Variants in DMD observed in about 807,000 individuals in gnomAD.
The protein encoded by DMD is dystrophin.
Under a neutral mutation model 330.1 loss-of-function variants are expected in DMD, and 63 were observed. That is an observed-to-expected ratio of 0.19 (90% CI 0.16 to 0.24). The LOEUF (loss-of-function observed/expected upper bound fraction) is 0.24, where lower values mean the gene tolerates loss of function less well. DMD is among the 10% of genes least tolerant of loss of function. The pLI is 1.00. For missense variants in DMD, 3,344 were observed against 2,684.1 expected (o/e 1.25, Z -5.43); for synonymous variants, 1,223 against 959.8 (o/e 1.27, Z -5.07).
intron 12 of DMD, among the ~76,000 whole-genome samples, chrX:32,598,715 G>T (rs940419095): frequency 8.9e-6 from 1 of 111,945 alleles, no homozygotes; most frequent in Non-Finnish European, 1.9e-5. Context: ...TTACTTAGTT[G>T]TTCTGATTTT....
Position 33,059,780 on chromosome X carries a change from G to T in DMD, c.32-39580C>A, listed in dbSNP as rs762359763. On this transcript the variant is annotated intron_variant, in intron 1 of 78. Coordinates refer to ENST00000357033, the MANE Select transcript of DMD (RefSeq NM_004006.3). ...ATAGAATAGAAAAAGTCTTACAAAG[G>T]TGTATTTTCACATAGTGGTTGGTGA... is the stretch of plus-strand genomic sequence containing the variant. Among the ~76,000 whole-genome samples, 3 of 112,006 alleles carry T rather than the reference G, an allele frequency of 2.7e-5. No individual in the cohort carries two copies. The East Asian group carries it at 8.5e-4, about 32-fold the overall frequency.
intron 42 of DMD, among the ~76,000 whole-genome samples, chrX:32,301,545 G>A (rs954422111): frequency 9.0e-6 from 1 of 110,542 alleles, no homozygotes; most frequent in African/African-American, 3.3e-5. Flanking sequence ...CCTTTTGAAA[G>A]ACTTGACAAT....
At chrX:32,774,850 G>T (rs757670536) in intron 7 of DMD, among the ~76,000 whole-genome samples, 2 of 99,913 alleles carry the variant, frequency 2.0e-5, no homozygotes, top group African/African-American at 6.7e-5. Context: ...CAACAGTCTC[G>T]CAAAGTCTTA....
chrX:32,895,123 C>A (rs749793683), intron 2 of DMD, among the ~76,000 whole-genome samples: 2 of 111,952 alleles, frequency 1.8e-5, no homozygotes, highest in Non-Finnish European at 3.8e-5. Flanking sequence ...CAGAGCCCCA[C>A]CTGCATGTGC....
At chrX:31,796,487 T>A in intron 50 of DMD, among the ~76,000 whole-genome samples, 1 of 111,927 alleles carries the variant, frequency 8.9e-6, no homozygotes, top group Non-Finnish European at 1.9e-5. Context: ...ATTTTACATA[T>A]CCTGAGTTAG....
intron 60 of DMD, among the ~76,000 whole-genome samples, chrX:31,381,963 A>AT (rs2060206716): frequency 4.5e-5 from 5 of 111,694 alleles, no homozygotes; most frequent in Non-Finnish European, 9.4e-5. Flanking sequence ...CCGAGTCAAG[A>AT]AACTAAAATA....
intron 45 of DMD, among the ~76,000 whole-genome samples, chrX:31,962,052 C>T (rs1209196266): frequency 2.7e-5 from 3 of 110,774 alleles, no homozygotes; most frequent in African/African-American, 3.3e-5. Context: ...AGGCAGACTG[C>T]GGGACTGCAT....
At chrX:31,681,038 T>C (rs5971589) in intron 52 of DMD, among the ~76,000 whole-genome samples, 1,944 of 111,324 alleles carry the variant, frequency 0.017, 20 homozygotes, top group East Asian at 0.036. Context: ...CCTCTTTCTA[T>C]TGGCACTGCA....
rs766905432 is a variant in DMD at position 31,846,908 on chromosome X, C to T, written c.7099-10089G>A. On this transcript the variant is annotated intron_variant, in intron 48 of 78. Transcript: ENST00000357033. The stretch of plus-strand genomic sequence containing the variant: ...TTTTAATTAATAAAATTGTTATTGG[C>T]GAATAAACAGAAATGGCAACAAGGC... Among the ~76,000 whole-genome samples, 20 of 111,705 alleles carry T rather than the reference C, an allele frequency of 1.8e-4. No individual in the cohort carries two copies. The South Asian group carries it at 5.2e-3, about 29-fold the overall frequency.
At chrX:31,372,499 G>A (rs1005207945) in intron 60 of DMD, among the ~76,000 whole-genome samples, 4 of 111,768 alleles carry the variant, frequency 3.6e-5, no homozygotes, top group African/African-American at 9.8e-5. Flanking sequence ...GGCCTCTTTC[G>A]GAGAGAAGGC....
intron 44 of DMD, among the ~76,000 whole-genome samples, chrX:32,109,611 G>GA (rs67275852): frequency 2.6e-4 from 27 of 102,192 alleles, no homozygotes; most frequent in South Asian, 1.3e-3. Flanking sequence ...ACAGAAATTT[G>GA]AAAAAAAAAA....
intron 44 of DMD, among the ~76,000 whole-genome samples, chrX:31,978,326 A>G (rs936308528): frequency 9.1e-6 from 1 of 110,315 alleles, no homozygotes; most frequent in Non-Finnish European, 1.9e-5. Context: ...ATTCTATTTT[A>G]CTGATCCTAA....
At chrX:32,266,011 T>C (rs954827716) in intron 43 of DMD, among the ~76,000 whole-genome samples, 16 of 111,585 alleles carry the variant, frequency 1.4e-4, no homozygotes, top group South Asian at 3.8e-4. Flanking sequence ...AGACGTGCCA[T>C]TTGGGAGGGG....
At chrX:33,138,816 C>A (rs1224354353) in intron 1 of DMD, among the ~76,000 whole-genome samples, 1 of 110,876 alleles carries the variant, frequency 9.0e-6, no homozygotes, top group Non-Finnish European at 1.9e-5. Flanking sequence ...TGGCTTCTGG[C>A]GTGGGTTTGT....
At chrX:32,513,766 G>C (rs1164268594) in intron 18 of DMD, among the ~76,000 whole-genome samples, 7 of 111,583 alleles carry the variant, frequency 6.3e-5, no homozygotes, top group African/African-American at 2.3e-4. Context: ...TGGGAGAAGG[G>C]TTCATTTGAA....
At chrX:32,444,060 G>C (rs2098293446) in intron 27 of DMD, among the ~76,000 whole-genome samples, 1 of 110,796 alleles carries the variant, frequency 9.0e-6, no homozygotes, top group Non-Finnish European at 1.9e-5. Context: ...TGGCGTATCA[G>C]AACAGGGTAT....
At chrX:32,673,495 G>A (rs1312829426) in intron 9 of DMD, among the ~76,000 whole-genome samples, 1 of 111,691 alleles carries the variant, frequency 9.0e-6, no homozygotes, top group Admixed American at 9.5e-5. Flanking sequence ...GGCTTATAAC[G>A]TGAACGCCTT....
At chrX:31,210,402 G>C (rs1445602981) in intron 64 of DMD, among the ~76,000 whole-genome samples, 2 of 111,906 alleles carry the variant, frequency 1.8e-5, no homozygotes, top group Non-Finnish European at 3.8e-5. Flanking sequence ...TAAGGCTGAG[G>C]GAGGAAAATT....
intron 2 of DMD, among the ~76,000 whole-genome samples, chrX:32,999,763 G>A (rs980062045): frequency 1.0e-5 from 1 of 98,180 alleles, no homozygotes; most frequent in Non-Finnish European, 2.0e-5. Context: ...GTGACAGAGC[G>A]AGACTCCATC....
Sources: allele counts gnomAD v4.1 joint callset (sites outside exome capture counted in the v4.1 genomes callset), GRCh38; gene constraint gnomAD v4.1.1; transcripts MANE v1.5; gene names NCBI Gene and HGNC (gene_info 2026-07-23, HGNC 2026-07-21).